The following GALNT11 variants were observed in gnomAD, a reference collection of about 807,000 sequenced individuals.
The protein encoded by GALNT11 is UDP-GalNAc:polypeptide N-acetylgalactosaminyltransferase 11.
A neutral mutation model predicts 72.7 loss-of-function variants in GALNT11; 47 were observed. The ratio of observed to expected loss-of-function variants is 0.65; its 90% CI spans 0.51 to 0.82. The LOEUF (loss-of-function observed/expected upper bound fraction) is 0.82, where lower values mean the gene tolerates loss of function less well. Ranked by LOEUF, GALNT11 falls within the 40% of genes least tolerant of loss-of-function variation. GALNT11 has a pLI of 0.00. For synonymous variants in GALNT11, 270 were observed against 286.6 expected, an observed-to-expected ratio of 0.94 and a Z score of 0.58; for missense variants, 677 against 778.4, an observed-to-expected ratio of 0.87 and a Z score of 1.55.
chr7:152,074,725 T>C (rs1428019130), intron 1 of GALNT11, among the ~76,000 whole-genome samples: 1 of 152,188 alleles, frequency 6.6e-6, no homozygotes, highest in Non-Finnish European at 1.5e-5. Flanking sequence ...GGGTCTCACA[T>C]AGGTTCACTC....
Position 152,094,086 on chromosome 7 carries a change from A to G in GALNT11, c.-38-104A>G, listed in dbSNP as rs2086217560. ...TTGTATTTGAATATCCGTTAACTGTACGCATAGTGGTCCTACTTGGTGGTT... is the reference window on the plus strand; with the variant it reads ...TTGTATTTGAATATCCGTTAACTGTGCGCATAGTGGTCCTACTTGGTGGTT... On this transcript the variant is annotated intron_variant, in intron 1 of 11. Transcript: ENST00000430044. This position sits in a 1 kb window ranked among gnomAD's most constrained non-coding sequence, Gnocchi z 4.3. The G allele has an allele frequency of 2.3e-6, 2 of 882,908 alleles. No individual in the cohort carries two copies. The highest frequency in any genetic ancestry group is 4.8e-5 in the Admixed American group (2 of 41,274). 54.7% of individuals were successfully genotyped at this position (882,908 alleles called of 1,614,324 possible).
chr7:152,061,352 T>TA (rs1657500104), intron 1 of GALNT11, among the ~76,000 whole-genome samples: 1 of 152,244 alleles, frequency 6.6e-6, no homozygotes, highest in Non-Finnish European at 1.5e-5. Flanking sequence ...TTGTTTGAGT[T>TA]ATTTGTAGAT....
chr7:152,061,626 C>T (rs1587084645), intron 1 of GALNT11, among the ~76,000 whole-genome samples: 1 of 152,200 alleles, frequency 6.6e-6, no homozygotes, highest in African/African-American at 2.4e-5. Context: ...TTTAAGTCTC[C>T]AATCCATCTT....
At chr7:152,110,827 C>T in intron 7 of GALNT11, among the ~76,000 whole-genome samples, 182 bp downstream of exon 7, 1 of 151,250 alleles carries the variant, frequency 6.6e-6, no homozygotes, top group East Asian at 2.0e-4. Flanking sequence ...ACCTCCTGAG[C>T]TCAAGCGATC....
At chr7:152,075,477 G>T (rs930852064) in intron 1 of GALNT11, among the ~76,000 whole-genome samples, 1 of 152,210 alleles carries the variant, frequency 6.6e-6, no homozygotes, top group Non-Finnish European at 1.5e-5. Flanking sequence ...AAACTACCCT[G>T]CCTGGTAGCT....
At chr7:152,044,328 T>C (rs777207819) in intron 1 of GALNT11, among the ~76,000 whole-genome samples, 2 of 152,230 alleles carry the variant, frequency 1.3e-5, no homozygotes, top group Non-Finnish European at 1.5e-5. Context: ...CACAGCTCGC[T>C]CATGCTATTG....
intron 1 of GALNT11, among the ~76,000 whole-genome samples, chr7:152,063,407 A>C (rs2084125906): frequency 6.6e-6 from 1 of 152,162 alleles, no homozygotes; most frequent in Non-Finnish European, 1.5e-5. Flanking sequence ...CTTTTCAAAA[A>C]ACCAGCTCCT....
intron 1 of GALNT11, among the ~76,000 whole-genome samples, chr7:152,040,183 A>T (rs903208844): frequency 1.3e-5 from 2 of 151,788 alleles, no homozygotes; most frequent in Admixed American, 1.3e-4. Flanking sequence ...ACTGCAAAAT[A>T]CTGCAAGAGG....
chr7:152,081,445 C>A (rs561457464), intron 1 of GALNT11, among the ~76,000 whole-genome samples: 1 of 152,120 alleles, frequency 6.6e-6, no homozygotes, highest in Non-Finnish European at 1.5e-5. Context: ...TAGTCCTTTG[C>A]GACCTAAATA....
intron 1 of GALNT11, among the ~76,000 whole-genome samples, chr7:152,069,458 A>C (rs752938891): frequency 7.2e-5 from 11 of 152,194 alleles, no homozygotes; most frequent in African/African-American, 1.9e-4. Context: ...GTGCTGTTCT[A>C]GTTATCAGTT....
At chr7:152,101,402 T>C (rs1255752080) in intron 3 of GALNT11, among the ~76,000 whole-genome samples, 1 of 151,980 alleles carries the variant, frequency 6.6e-6, no homozygotes, top group Non-Finnish European at 1.5e-5. Context: ...AACAAACAGA[T>C]GTAGTAGTTC....
At chr7:152,032,525 A>G (rs1238400409) in intron 1 of GALNT11, among the ~76,000 whole-genome samples, 1 of 152,200 alleles carries the variant, frequency 6.6e-6, no homozygotes, top group Non-Finnish European at 1.5e-5. Flanking sequence ...TACTCCTAGA[A>G]TTGGGGTGTT....
At chr7:152,102,277 C>T (rs1452556547) in intron 3 of GALNT11, among the ~76,000 whole-genome samples, 1 of 152,152 alleles carries the variant, frequency 6.6e-6, no homozygotes, top group Non-Finnish European at 1.5e-5. Context: ...GACATGGTGG[C>T]TCACACCTGT....
intron 1 of GALNT11, among the ~76,000 whole-genome samples, chr7:152,043,153 T>C (rs139497845): frequency 1.3e-5 from 2 of 152,340 alleles, no homozygotes; most frequent in African/African-American, 2.4e-5. Flanking sequence ...AGGCTTTGCT[T>C]TCCAGGGAAC....
intron 1 of GALNT11, among the ~76,000 whole-genome samples, chr7:152,038,081 ATTTCT>A (rs1563041324): frequency 6.6e-6 from 1 of 152,030 alleles, no homozygotes; most frequent in African/African-American, 2.4e-5. Flanking sequence ...GTCTTCTTCA[ATTTCT>A]TTTATCAGTA....
chr7:152,120,757 T>TG, intron 10 of GALNT11, 74 bp from the exon 11 acceptor site: 1 of 1,273,454 alleles, frequency 7.9e-7, no homozygotes, highest in Non-Finnish European at 1.1e-6. Flanking sequence ...AGAATCAATA[T>TG]GTGGAAGAAT....
chr7:152,071,647 T>C (rs2084656753), intron 1 of GALNT11, among the ~76,000 whole-genome samples: 1 of 152,186 alleles, frequency 6.6e-6, no homozygotes, highest in Non-Finnish European at 1.5e-5. Context: ...CACAAGGGTA[T>C]TGATTGGGGA....
At chr7:152,070,635 C>T (rs927940410) in intron 1 of GALNT11, among the ~76,000 whole-genome samples, 10 of 152,170 alleles carry the variant, frequency 6.6e-5, no homozygotes, top group Non-Finnish European at 1.3e-4. Flanking sequence ...CATTTAAGGA[C>T]CCTTGTAATT....
intron 1 of GALNT11, among the ~76,000 whole-genome samples, chr7:152,084,736 A>G (rs2129026592): frequency 6.6e-6 from 1 of 152,322 alleles, no homozygotes; most frequent in East Asian, 1.9e-4. Flanking sequence ...ACAGAAATAC[A>G]CTTCAAAAAT....
Sources: gnomAD v4.1 joint callset for allele counts (sites outside exome capture counted in the v4.1 genomes callset) on GRCh38, gnomAD v4.1.1 for gene constraint, Gnocchi (gnomAD v3.1) non-coding constraint, MANE v1.5 for transcripts, NCBI Gene and HGNC (gene_info 2026-07-23, HGNC 2026-07-21) for gene names.